FAM47C: variants seen among roughly 807,000 people sequenced by gnomAD.
FAM47C encodes putative protein FAM47C.
For synonymous variants in FAM47C, 307 were observed against 346.5 expected, an observed-to-expected ratio of 0.89 and a Z score of 1.27; for missense variants, 847 against 879.9, an observed-to-expected ratio of 0.96 and a Z score of 0.47.
chrX:37,010,539 G>C lies in FAM47C; in HGVS notation c.2129G>C (p.Arg710Pro). 1.7e-6 allele frequency: 2 copies of C among 1,205,084 alleles called. No homozygotes were observed. The highest frequency in any genetic ancestry group is 3.5e-5 in the South Asian group (2 of 56,527). ...CTCCACCCAGAGCCTCCCAAGACTC[G>C]GGTGTCCAGTCTCCACGCGGAGCCT... ...SRLHPEPPKT[R>P]VSSLHAEPPE... Residue 710 changes from arginine to proline, a missense_variant, in exon 1 of 1, where the codon CGG (arginine) becomes CCG (proline). Arg to Pro is a moderately radical substitution (Grantham distance 103). Transcript: ENST00000358047.
Position 37,010,053 on chromosome X carries a change from C to T in FAM47C, c.1643C>T (p.Pro548Leu), listed in dbSNP as rs1260664319. The T allele has an allele frequency of 2.5e-6, 3 of 1,186,933 alleles. No individual in the cohort carries two copies. In the African/African-American group the frequency reaches 5.8e-5, roughly 23 times the overall value. Residue 548 changes from proline (P) to leucine (L), a missense_variant, in exon 1 of 1, where the codon CCA (proline) becomes CTA (leucine). Physicochemically the swap from Pro to Leu is moderately conservative, Grantham distance 98. Transcript: ENST00000358047. ...PPESSVSHLR[P>L]EPPETGVSHL... is the part of the protein sequence containing the mutation. Reference sequence around the variant, plus strand: ...GAGAGTAGCGTATCTCATCTCCGCCCAGAGCCTCCTGAGACTGGAGTGTCC... The same window carrying T: ...GAGAGTAGCGTATCTCATCTCCGCCTAGAGCCTCCTGAGACTGGAGTGTCC...
In FAM47C at chrX:37,008,463, C is replaced by T; in HGVS notation, c.53C>T (p.Thr18Met). ...DRPSSPGMDSTPWYCDKPPSK... is the reference protein window; with the variant it reads ...DRPSSPGMDSMPWYCDKPPSK... ...CCCAGTTCCCCGGGCATGGACTCCACGCCCTGGTACTGTGACAAACCGCCT... is the reference window on the plus strand; with the variant it reads ...CCCAGTTCCCCGGGCATGGACTCCATGCCCTGGTACTGTGACAAACCGCCT... Residue 18 changes from threonine (T) to methionine (M), a missense_variant, in exon 1 of 1, where the codon ACG (threonine) becomes ATG (methionine). Transcript: ENST00000358047. 1 of 1,212,076 alleles carries T rather than the reference C, an allele frequency of 8.3e-7. No individual in the cohort carries two copies. The highest frequency in any genetic ancestry group is 1.1e-6 in the Non-Finnish European group (1 of 895,315).
rs1300345840 is a variant in FAM47C, at chrX:37,009,280, C to T, written c.870C>T (p.Arg290=). 7.5e-6 allele frequency: 9 copies of T among 1,207,583 alleles called. No individual in the cohort carries two copies. Among genetic ancestry groups the T allele is most frequent in the Non-Finnish European group, 1.0e-5 (9 of 894,093 alleles). Residue 290 remains arginine (R), a synonymous_variant, in exon 1 of 1, where the codon CGC becomes CGT. Coordinates refer to ENST00000358047, the MANE Select transcript of FAM47C (RefSeq NM_001013736.3). ...TCTGCCCAGAGCCTCCCAAGACTCGCGTATCTCATCTCCATCGGGAGCCTC... is the reference window on the plus strand; with the variant it reads ...TCTGCCCAGAGCCTCCCAAGACTCGTGTATCTCATCTCCATCGGGAGCCTC... The part of the protein sequence containing the change: ...SHLCPEPPKT[R]VSHLHREPPE...
rs782728150 is a variant in FAM47C at position 37,009,035 on chromosome X, A to G, written c.625A>G (p.Ser209Gly). Residue 209 changes from serine to glycine, a missense_variant, in exon 1 of 1, where the codon AGT becomes GGT. By Grantham distance (56) the Ser-to-Gly change is moderately conservative. Coordinates refer to ENST00000358047, the MANE Select transcript of FAM47C (RefSeq NM_001013736.3). ...GGAGCCTCCCAAGACTCCGGTGTCCAGTCTCCGCCCGGAGCCTCCAGAGAC... is the reference window on the plus strand; with the variant it reads ...GGAGCCTCCCAAGACTCCGGTGTCCGGTCTCCGCCCGGAGCCTCCAGAGAC... ...PPEPPKTPVSSLRPEPPETGV... is the reference protein window; with the variant it reads ...PPEPPKTPVSGLRPEPPETGV... 22 of 1,203,719 alleles carry G rather than the reference A, an allele frequency of 1.8e-5. No homozygotes were observed. The South Asian group carries it at 3.9e-4, about 21-fold the overall frequency.
rs1402116157 is a variant in FAM47C, at chrX:37,008,469, G to A, written c.59G>A (p.Trp20Ter). 7 of 1,211,455 alleles carry A rather than the reference G, an allele frequency of 5.8e-6. No homozygotes were observed. In the African/African-American group the frequency reaches 1.0e-4, roughly 18 times the overall value. The change falls in exon 1 of 1, where the codon TGG becomes TAG. Residue 20 changes from tryptophan to a stop codon, truncating the protein, a stop_gained. Coordinates refer to ENST00000358047, the MANE Select transcript of FAM47C (RefSeq NM_001013736.3). LOFTEE classifies it low-confidence loss of function (END_TRUNC). ...PSSPGMDSTPWYCDKPPSKYF... is the reference protein window; with the variant it reads ...PSSPGMDSTP ...TCCCCGGGCATGGACTCCACGCCCT[G>A]GTACTGTGACAAACCGCCTTCCAAG...
chrX:37,010,065 A>G lies in FAM47C; in HGVS notation c.1655A>G (p.Glu552Gly). 8.3e-7 allele frequency: 1 copy of G among 1,202,047 alleles called. No individual in the cohort carries two copies. The highest frequency in any genetic ancestry group is 1.1e-6 in the Non-Finnish European group (1 of 892,634). ...SVSHLRPEPPETGVSHLRPEP... is the reference protein window; with the variant it reads ...SVSHLRPEPPGTGVSHLRPEP... Reference sequence around the variant, plus strand: ...TCTCATCTCCGCCCAGAGCCTCCTGAGACTGGAGTGTCCCATCTCCGCCCA... The same window carrying G: ...TCTCATCTCCGCCCAGAGCCTCCTGGGACTGGAGTGTCCCATCTCCGCCCA... Residue 552 changes from glutamate to glycine, a missense_variant, in exon 1 of 1, where the codon GAG (glutamate) becomes GGG (glycine). Transcript: ENST00000358047.
In FAM47C at chrX:37,008,704, C is replaced by G. The variant is rs1927668926; in HGVS notation, c.294C>G (p.Leu98=). Residue 98 remains leucine (L), a synonymous_variant, in exon 1 of 1, where the codon CTC becomes CTG. Transcript: ENST00000358047. The part of the protein sequence containing the change: ...ADPKSRKKKL[L]KKAALFSKLS... ...CCAAAAGCAGGAAGAAAAAGCTGCT[C>G]AAGAAAGCGGCCCTGTTTTCCAAGC... 1 of 1,210,534 alleles carries G rather than the reference C, an allele frequency of 8.3e-7. No individual in the cohort carries two copies. The highest frequency in any genetic ancestry group is 1.1e-6 in the Non-Finnish European group (1 of 895,328).
Position 37,010,468 on chromosome X carries a change from C to T in FAM47C, c.2058C>T (p.Arg686=). The T allele has an allele frequency of 1.7e-6, 2 of 1,175,852 alleles. No homozygotes were observed. Among genetic ancestry groups the T allele is most frequent in the Non-Finnish European group, 1.1e-6 (1 of 878,690 alleles). The change falls in exon 1 of 1, where the codon CGC becomes CGT. Residue 686 remains arginine, a synonymous_variant. Transcript: ENST00000358047. Reference sequence around the variant, plus strand: ...TCTGCCCGGAGCCTCCAGAGACTCGCGTATCTCATCTCCGCCCAGAGCCTC... The same window carrying T: ...TCTGCCCGGAGCCTCCAGAGACTCGTGTATCTCATCTCCGCCCAGAGCCTC... The part of the protein sequence containing the change: ...SHLCPEPPET[R]VSHLRPEPPE...
rs189160727 is a variant in FAM47C, at chrX:37,008,750, C to A, written c.340C>A (p.Arg114=). ...FSKLSPAQPA[R]KAFVEEVEAQ... ...CAAGCTCTCGCCAGCACAGCCAGCA[C>A]GGAAGGCGTTCGTAGAGGAAGTGGA... is the stretch of plus-strand genomic sequence containing the variant. Residue 114 remains arginine (R), a synonymous_variant, in exon 1 of 1, where the codon CGG becomes AGG. Transcript: ENST00000358047. 1 of 1,211,733 alleles carries A rather than the reference C, an allele frequency of 8.3e-7. No individual in the cohort carries two copies. The highest frequency in any genetic ancestry group is 1.1e-6 in the Non-Finnish European group (1 of 895,469).
chrX:37,009,281 G>T lies in FAM47C; in HGVS notation c.871G>T (p.Val291Leu), dbSNP rs182976429. The change falls in exon 1 of 1, where the codon GTA (valine) becomes TTA (leucine). Residue 291 changes from valine (V) to leucine (L), a missense_variant. Transcript: ENST00000358047. ...HLCPEPPKTR[V>L]SHLHREPPET... ...CTGCCCAGAGCCTCCCAAGACTCGCGTATCTCATCTCCATCGGGAGCCTCC... is the reference window on the plus strand; with the variant it reads ...CTGCCCAGAGCCTCCCAAGACTCGCTTATCTCATCTCCATCGGGAGCCTCC... 6 of 1,206,073 alleles carry T rather than the reference G, an allele frequency of 5.0e-6. No individual in the cohort carries two copies. The African/African-American group carries it at 1.1e-4, about 22-fold the overall frequency.
Position 37,010,208 on chromosome X carries a change from G to A in FAM47C, c.1798G>A (p.Glu600Lys), listed in dbSNP as rs782203241. Residue 600 changes from glutamate to lysine, a missense_variant, in exon 1 of 1, where the codon GAG becomes AAG. Glu to Lys is a moderately conservative substitution (Grantham distance 56). Transcript: ENST00000358047. ...RVSSLPPEPPETGVSHLCPEP... is the reference protein window; with the variant it reads ...RVSSLPPEPPKTGVSHLCPEP... ...GTCCAGTCTCCCCCCGGAGCCCCCC[G>A]AGACTGGAGTGTCCCATCTCTGCCC... 16 of 1,145,435 alleles carry A rather than the reference G, an allele frequency of 1.4e-5. No homozygotes were observed. In the African/African-American group the frequency reaches 1.5e-4, roughly 11 times the overall value. The allele number at this position is 1,145,435 out of a possible 1,213,427, so 94.4% of individuals were successfully genotyped here.
At position 37,011,095 on chromosome X, in the gene FAM47C, AG is replaced by A; in HGVS notation, c.2688del (p.Leu897Ter). ...KNKKANECSS[G>X]LKYSMELDEM... Reference sequence around the variant, plus strand: ...ATAAGAAGGCAAACGAGTGTTCCTCAGGGCTGAAGTACAGCATGGAGCTAGA... The same window carrying A: ...ATAAGAAGGCAAACGAGTGTTCCTCAGGCTGAAGTACAGCATGGAGCTAGA... On this transcript the variant is annotated frameshift_variant, in exon 1 of 1. Coordinates refer to ENST00000358047, the MANE Select transcript of FAM47C (RefSeq NM_001013736.3). LOFTEE classifies it low-confidence loss of function (END_TRUNC). The A allele has an allele frequency of 1.6e-6, 2 of 1,212,147 alleles. No individual in the cohort carries two copies. The highest frequency in any genetic ancestry group is 2.2e-6 in the Non-Finnish European group (2 of 895,659).
rs1927745030 is a variant in FAM47C, at chrX:37,010,178, C to A, written c.1768C>A (p.Arg590=). The change falls in exon 1 of 1, where the codon CGG becomes AGG. Residue 590 remains arginine, a synonymous_variant. Coordinates refer to ENST00000358047, the MANE Select transcript of FAM47C (RefSeq NM_001013736.3). ...TCTCTGCCCAGAGCCTCCCAAGACT[C>A]GGGTGTCCAGTCTCCCCCCGGAGCC... The part of the protein sequence containing the change: ...SHLCPEPPKT[R]VSSLPPEPPE... The A allele has an allele frequency of 8.5e-7, 1 of 1,177,914 alleles. No homozygotes were observed.
chrX:37,011,612 G>T lies in FAM47C; in HGVS notation c.*94G>T, dbSNP rs1556333531. ...ATGACTGGCCCCAGGAATGTACAAC[G>T]TTGGCAACATCTGTAAATTCAATAC... is the stretch of plus-strand genomic sequence containing the variant. On this transcript the variant is annotated 3_prime_UTR_variant, in exon 1 of 1. Coordinates refer to ENST00000358047, the MANE Select transcript of FAM47C (RefSeq NM_001013736.3). The T allele has an allele frequency of 3.7e-6, 3 of 807,148 alleles. No individual in the cohort carries two copies. Among genetic ancestry groups the T allele is most frequent in the Non-Finnish European group, 5.2e-6 (3 of 575,856 alleles). The allele number at this position is 807,148 out of a possible 1,213,427, so 66.5% of individuals were successfully genotyped here.
rs1190663310 is a variant in FAM47C, at chrX:37,009,313, T to C, written c.903T>C (p.Thr301=). 2 of 1,205,664 alleles carry C rather than the reference T, an allele frequency of 1.7e-6. No individual in the cohort carries two copies. Among genetic ancestry groups the C allele is most frequent in the Non-Finnish European group, 2.2e-6 (2 of 893,868 alleles). The change falls in exon 1 of 1, where the codon ACT becomes ACC. Residue 301 remains threonine (T), a synonymous_variant. Transcript: ENST00000358047. ...VSHLHREPPE[T]GVPDLCLEPP... ...ATCTCCATCGGGAGCCTCCTGAGAC[T>C]GGAGTGCCTGATCTCTGCCTGGAGC...
rs781997233 is a variant in FAM47C, at chrX:37,010,050, G to T, written c.1640G>T (p.Arg547Leu). 11 of 1,185,177 alleles carry T rather than the reference G, an allele frequency of 9.3e-6. No individual in the cohort carries two copies. Among genetic ancestry groups the T allele is most frequent in the Non-Finnish European group, 1.0e-5 (9 of 886,045 alleles). ...CCTGAGAGTAGCGTATCTCATCTCC[G>T]CCCAGAGCCTCCTGAGACTGGAGTG... ...APPESSVSHL[R>L]PEPPETGVSH... The change falls in exon 1 of 1, where the codon CGC (arginine) becomes CTC (leucine). Residue 547 changes from arginine (R) to leucine (L), a missense_variant. Arg to Leu is a moderately radical substitution (Grantham distance 102). Transcript: ENST00000358047.
In FAM47C at chrX:37,008,969, T is replaced by C. The variant is rs1601929043; in HGVS notation, c.559T>C (p.Ser187Pro). The C allele has an allele frequency of 1.7e-6, 2 of 1,209,650 alleles. No homozygotes were observed. Among genetic ancestry groups the C allele is most frequent in the African/African-American group, 3.5e-5 (2 of 57,090 alleles). The change falls in exon 1 of 1, where the codon TCC becomes CCC. Residue 187 changes from serine to proline, a missense_variant. By Grantham distance (74) the Ser-to-Pro change is moderately conservative. Transcript: ENST00000358047. Reference sequence around the variant, plus strand: ...TGGTAAATACCCCTGTGGGGAATTCTCCCCTCGGCCTCCCGAGACTCGGGT... The same window carrying C: ...TGGTAAATACCCCTGTGGGGAATTCCCCCCTCGGCCTCCCGAGACTCGGGT... ...EPGKYPCGEF[S>P]PRPPETRVSC...
rs73631165 is a variant in FAM47C at position 37,010,120 on chromosome X, C to T, written c.1710C>T (p.Leu570=). Residue 570 remains leucine (L), a synonymous_variant, in exon 1 of 1, where the codon CTC becomes CTT. Coordinates refer to ENST00000358047, the MANE Select transcript of FAM47C (RefSeq NM_001013736.3). The stretch of plus-strand genomic sequence containing the variant: ...CTCCCAAGACTCGGATGTACAGTCT[C>T]CGCCCGGAGCCTCCCGATACTGGAG... ...PEPPKTRMYS[L]RPEPPDTGVS... The T allele has an allele frequency of 8.4e-7, 1 of 1,191,469 alleles. No individual in the cohort carries two copies. The highest frequency in any genetic ancestry group is 1.9e-5 in the African/African-American group (1 of 51,677).
At position 37,011,642 on chromosome X, in the gene FAM47C, T is replaced by C. The variant is rs1344745640; in HGVS notation, c.*124T>C. 7 of 554,873 alleles carry C rather than the reference T, an allele frequency of 1.3e-5. No individual in the cohort carries two copies. Among genetic ancestry groups the C allele is most frequent in the African/African-American group, 9.3e-5 (4 of 42,826 alleles). 45.7% of individuals were successfully genotyped at this position (554,873 alleles called of 1,213,427 possible). On this transcript the variant is annotated 3_prime_UTR_variant, in exon 1 of 1. Transcript: ENST00000358047. ...CAACATCTGTAAATTCAATACCTAA[T>C]GTTTATAAATATTTCTTAATGACCT...
Sources: allele counts gnomAD v4.1 joint callset, GRCh38; gene constraint gnomAD v4.1.1; transcripts MANE v1.5; gene names NCBI Gene and HGNC (gene_info 2026-07-23, HGNC 2026-07-21).